CAMKMT: variants seen among roughly 807,000 people sequenced by gnomAD.
The protein encoded by CAMKMT is CaM KMT.
In CAMKMT, 53 loss-of-function variants were observed where a neutral mutation model predicts 48.0. That is an observed-to-expected ratio of 1.10 (90% CI 0.89 to 1.39). The LOEUF is 1.39. CAMKMT is among the 40% of genes most tolerant of loss of function. The pLI, the probability that CAMKMT is intolerant of heterozygous loss-of-function variation, is 0.00. For missense variants in CAMKMT, 428 were observed against 402.7 expected (o/e 1.06, Z -0.54); for synonymous variants, 165 against 152.3 (o/e 1.08, Z -0.61).
At chr2:44,377,115 G>A (rs1321890072) in intron 2 of CAMKMT, among the ~76,000 whole-genome samples, 9 of 151,858 alleles carry the variant, frequency 5.9e-5, no homozygotes, top group South Asian at 4.2e-4. Flanking sequence ...TAAGCAATCC[G>A]CCCGCCTTAG....
intron 9 of CAMKMT, among the ~76,000 whole-genome samples, chr2:44,764,212 C>A: frequency 6.6e-6 from 1 of 152,140 alleles, no homozygotes; most frequent in East Asian, 1.9e-4. Context: ...AATTATGTGC[C>A]TGAGTGTGTA....
chr2:44,635,025 C>T (rs1284836305), intron 3 of CAMKMT, among the ~76,000 whole-genome samples: 3 of 152,140 alleles, frequency 2.0e-5, no homozygotes, highest in Non-Finnish European at 2.9e-5. Context: ...ATGAACTATA[C>T]TTGCACCATT....
At chr2:44,426,916 A>C (rs978006097) in intron 3 of CAMKMT, among the ~76,000 whole-genome samples, 2 of 152,220 alleles carry the variant, frequency 1.3e-5, no homozygotes, top group Non-Finnish European at 2.9e-5. Context: ...ACACAATTTT[A>C]AACTAAACTA....
At chr2:44,549,478 A>G (rs1258451063) in intron 3 of CAMKMT, 6 of 679,980 alleles carry the variant, frequency 8.8e-6, no homozygotes, top group Admixed American at 2.1e-5. Flanking sequence ...ACTTGCCACA[A>G]TGTCTTGAAC....
At chr2:44,658,015 A>G (rs988467681) in intron 3 of CAMKMT, among the ~76,000 whole-genome samples, 1 of 152,212 alleles carries the variant, frequency 6.6e-6, no homozygotes, top group Non-Finnish European at 1.5e-5. Flanking sequence ...AGAAATGTAG[A>G]TACTTTTAAA....
At position 44,397,320 on chromosome 2, in the gene CAMKMT, A is replaced by G. The variant is rs150049044; in HGVS notation, c.376+7015A>G. Reference sequence around the variant, plus strand: ...ACAAAATAAATATTTAAGGTCATCAATGCATTATGTGGTTAGAACGCATGG... The same window carrying G: ...ACAAAATAAATATTTAAGGTCATCAGTGCATTATGTGGTTAGAACGCATGG... On this transcript the variant is annotated intron_variant, in intron 3 of 10. Coordinates refer to ENST00000378494, the MANE Select transcript of CAMKMT (RefSeq NM_024766.5). Among the ~76,000 whole-genome samples the G allele has an allele frequency of 5.6e-4, 85 of 152,332 alleles. 1 individual carries two copies. The East Asian group carries it at 7.1e-3, about 13-fold the overall frequency.
chr2:44,704,537 G>A (rs1677437634), intron 4 of CAMKMT, among the ~76,000 whole-genome samples, 194 bp downstream of exon 4: 1 of 152,100 alleles, frequency 6.6e-6, no homozygotes, highest in Admixed American at 6.6e-5. Context: ...AGTGAAATCT[G>A]AATTGCCTTG....
rs1026174685 is a variant in CAMKMT, at chr2:44,772,176, C to T, written c.*63C>T. 9.1e-6 allele frequency: 13 copies of T among 1,434,560 alleles called. No individual in the cohort carries two copies. In the Admixed American group the frequency reaches 1.4e-4, roughly 15 times the overall value. 88.9% of individuals were successfully genotyped at this position (1,434,560 alleles called of 1,614,324 possible). A position where few individuals can be genotyped will look rare whatever the true frequency, so the allele number is the denominator to read the frequency against. ...TGCATAGGGAATATTTTTACAAAAA[C>T]GGAAATCTGTAAGGGGTATAATCGC... On this transcript the variant is annotated 3_prime_UTR_variant, in exon 11 of 11. Transcript: ENST00000378494.
chr2:44,736,891 G>T (rs1679385441), intron 7 of CAMKMT, among the ~76,000 whole-genome samples: 2 of 152,018 alleles, frequency 1.3e-5, no homozygotes, highest in Non-Finnish European at 2.9e-5. Flanking sequence ...CTGATTCTTA[G>T]AATATATTAA....
chr2:44,443,082 CT>C (rs1034001208), intron 3 of CAMKMT, among the ~76,000 whole-genome samples: 2 of 152,124 alleles, frequency 1.3e-5, no homozygotes, highest in Admixed American at 1.3e-4. Flanking sequence ...AAATATAGTT[CT>C]TTGAACTCCT....
chr2:44,617,720 A>G (rs1473862135), intron 3 of CAMKMT, among the ~76,000 whole-genome samples: 7 of 152,228 alleles, frequency 4.6e-5, no homozygotes, highest in Non-Finnish European at 1.5e-5. Context: ...GAGGAAGGAA[A>G]ACCACTTAAA....
intron 3 of CAMKMT, among the ~76,000 whole-genome samples, chr2:44,592,670 G>T (rs1284014025): frequency 6.6e-6 from 1 of 152,080 alleles, no homozygotes; most frequent in Admixed American, 6.6e-5. Context: ...TGTAAGTATA[G>T]GAAAAAACAT....
chr2:44,595,897 C>A (rs1670624193), intron 3 of CAMKMT, among the ~76,000 whole-genome samples: 1 of 151,652 alleles, frequency 6.6e-6, no homozygotes, highest in African/African-American at 2.4e-5. Context: ...GAAAACCAAA[C>A]ACTGCATGTT....
chr2:44,431,342 C>T (rs1684637676), intron 3 of CAMKMT, among the ~76,000 whole-genome samples: 1 of 152,112 alleles, frequency 6.6e-6, no homozygotes, highest in Admixed American at 6.5e-5. Context: ...ATTAGCACTT[C>T]CCAATTCAAT....
chr2:44,406,661 A>G (rs1447208373), intron 3 of CAMKMT, among the ~76,000 whole-genome samples: 1 of 152,174 alleles, frequency 6.6e-6, no homozygotes, highest in Non-Finnish European at 1.5e-5. Flanking sequence ...CAGTGGCACC[A>G]TCATGGCCTA....
chr2:44,559,985 T>C (rs1572800256), intron 3 of CAMKMT, among the ~76,000 whole-genome samples: 1 of 152,248 alleles, frequency 6.6e-6, no homozygotes. Flanking sequence ...TTAAACTCAT[T>C]TTATGCCAAT....
chr2:44,739,373 T>C (rs2104363920), intron 7 of CAMKMT, among the ~76,000 whole-genome samples: 2 of 152,310 alleles, frequency 1.3e-5, no homozygotes, highest in Non-Finnish European at 2.9e-5. Context: ...CAATGTGGAC[T>C]GTAAAAGAAA....
At chr2:44,371,969 G>A (rs2104356266) in intron 1 of CAMKMT, among the ~76,000 whole-genome samples, 1 of 152,122 alleles carries the variant, frequency 6.6e-6, no homozygotes, top group East Asian at 1.9e-4. Flanking sequence ...AGCAACACCA[G>A]CAAAATTATT....
intron 3 of CAMKMT, among the ~76,000 whole-genome samples, chr2:44,570,507 A>T (rs532493286): frequency 1.3e-5 from 2 of 152,332 alleles, no homozygotes; most frequent in Admixed American, 1.3e-4. Flanking sequence ...ATCTTATCAT[A>T]ATAGAGATAT....
Sources: allele counts gnomAD v4.1 joint callset (sites outside exome capture counted in the v4.1 genomes callset), GRCh38; gene constraint gnomAD v4.1.1; transcripts MANE v1.5; gene names NCBI Gene and HGNC (gene_info 2026-07-23, HGNC 2026-07-21).